Variants in GPR158 observed in about 807,000 individuals in gnomAD.
GPR158 encodes the protein metabotropic glycine receptor.
A neutral mutation model predicts 78.2 loss-of-function variants in GPR158; 30 were observed. The observed-to-expected ratio is 0.38, with a 90% CI of 0.29 to 0.52. GPR158 has a LOEUF of 0.52. GPR158 is among the 20% of genes least tolerant of loss of function. The pLI is 0.83. For synonymous variants in GPR158, 581 were observed against 591.1 expected (o/e 0.98, Z 0.25); for missense variants, 1,463 against 1,523.5 (o/e 0.96, Z 0.66).
chr10:25,194,670 A>C (rs571354005), intron 1 of GPR158, among the ~76,000 whole-genome samples: 1 of 152,206 alleles, frequency 6.6e-6, no homozygotes, highest in African/African-American at 2.4e-5. Context: ...AGTAGTCACA[A>C]TCGAAAACTG....
intron 5 of GPR158, among the ~76,000 whole-genome samples, chr10:25,528,072 G>A (rs930457062): frequency 2.0e-5 from 3 of 151,866 alleles, no homozygotes; most frequent in Non-Finnish European, 4.4e-5. Flanking sequence ...TATAGACAAA[G>A]ATATCTTTAG....
chr10:25,247,422 G>A (rs1329452064), intron 2 of GPR158, among the ~76,000 whole-genome samples: 5 of 138,666 alleles, frequency 3.6e-5, no homozygotes, highest in African/African-American at 5.5e-5. Flanking sequence ...CCACTAACTC[G>A]TCATCTAGCA....
At chr10:25,437,986 C>T (rs1231670171) in intron 4 of GPR158, among the ~76,000 whole-genome samples, 1 of 152,152 alleles carries the variant, frequency 6.6e-6, no homozygotes, top group Non-Finnish European at 1.5e-5. Context: ...AGCAGGGAAC[C>T]ATGTGTAACA....
At chr10:25,304,932 T>G (rs181771905) in intron 2 of GPR158, among the ~76,000 whole-genome samples, 6 of 152,342 alleles carry the variant, frequency 3.9e-5, no homozygotes, top group Non-Finnish European at 4.4e-5. Context: ...CTAACCTGTA[T>G]TTGAAGAGTA....
intron 7 of GPR158, among the ~76,000 whole-genome samples, chr10:25,576,970 C>CAAAA (rs765153642): frequency 0.011 from 1,253 of 113,610 alleles, 22 homozygotes; most frequent in South Asian, 0.052. Context: ...ACAGTGTTCT[C>CAAAA]AAAAAAAAAA....
At chr10:25,362,858 C>T (rs1232896015) in intron 2 of GPR158, among the ~76,000 whole-genome samples, 1 of 151,720 alleles carries the variant, frequency 6.6e-6, no homozygotes, top group Non-Finnish European at 1.5e-5. Context: ...ATTGACTTTC[C>T]TTGTCTCTAA....
At chr10:25,413,157 CA>C (rs5783930) in intron 4 of GPR158, among the ~76,000 whole-genome samples, 5 of 150,568 alleles carry the variant, frequency 3.3e-5, no homozygotes, top group Admixed American at 6.6e-5. Flanking sequence ...CCTGTCTCTA[CA>C]AAAAAAAACA....
chr10:25,304,604 TAG>T (rs1382272778), intron 2 of GPR158, among the ~76,000 whole-genome samples: 6 of 151,898 alleles, frequency 4.0e-5, no homozygotes, highest in African/African-American at 1.5e-4. Context: ...ACTCTATATA[TAG>T]AGAGAGATTT....
At chr10:25,556,257 T>G (rs913301225) in intron 6 of GPR158, among the ~76,000 whole-genome samples, 1 of 152,186 alleles carries the variant, frequency 6.6e-6, no homozygotes, top group African/African-American at 2.4e-5. Context: ...ATAAAAGTGT[T>G]CTTCCATTGA....
chr10:25,461,460 A>G (rs1835357983), intron 4 of GPR158, among the ~76,000 whole-genome samples: 1 of 152,214 alleles, frequency 6.6e-6, no homozygotes, highest in African/African-American at 2.4e-5. Context: ...GCAAGGGCCT[A>G]ACTCTCTTCA....
At position 25,598,727 on chromosome 10, in the gene GPR158, C is replaced by G; in HGVS notation, c.3101C>G (p.Ser1034Cys). Residue 1034 changes from serine (S) to cysteine (C), a missense_variant, in exon 11 of 11, where the codon TCT (serine) becomes TGT (cysteine). By Grantham distance (112) the Ser-to-Cys change is moderately radical (BLOSUM62 -1). Transcript: ENST00000376351. The part of the protein sequence containing the change: ...KVQKHVSIVA[S>C]EMEKNPTFSL... ...CAAAAGCACGTATCTATTGTGGCTT[C>G]TGAAATGGAGAAAAACCCCACTTTT... The G allele has an allele frequency of 6.2e-7, 1 of 1,614,034 alleles. No homozygotes were observed. The highest frequency in any genetic ancestry group is 8.5e-7 in the Non-Finnish European group (1 of 1,179,994).
At position 25,229,884 on chromosome 10, in the gene GPR158, C is replaced by T. The variant is rs182258349; in HGVS notation, c.1008+8727C>T. On this transcript the variant is annotated intron_variant, in intron 2 of 10. Coordinates refer to ENST00000376351, the MANE Select transcript of GPR158 (RefSeq NM_020752.3). ...AGTAATTGCTGTGAAAATCCAGCAT[C>T]CTTCTCAGTAGGAGAGGAATTGAAG... Among the ~76,000 whole-genome samples, 9 of 152,274 alleles carry T rather than the reference C, an allele frequency of 5.9e-5. No individual in the cohort carries two copies. In the East Asian group the frequency reaches 1.7e-3, roughly 29 times the overall value.
chr10:25,556,375 C>A (rs1235380678), intron 6 of GPR158, among the ~76,000 whole-genome samples: 2 of 152,168 alleles, frequency 1.3e-5, no homozygotes, highest in East Asian at 3.9e-4. Context: ...CCACCTCAGC[C>A]AAAATAATAC....
At chr10:25,558,228 CGTGA>C (rs1564489325) in intron 6 of GPR158, among the ~76,000 whole-genome samples, 1 of 152,198 alleles carries the variant, frequency 6.6e-6, no homozygotes, top group African/African-American at 2.4e-5. Context: ...TGCGTGCGCA[CGTGA>C]GTGTGTGTTC....
At chr10:25,557,419 A>G (rs1034092375) in intron 6 of GPR158, among the ~76,000 whole-genome samples, 5 of 152,196 alleles carry the variant, frequency 3.3e-5, no homozygotes, top group African/African-American at 1.2e-4. Flanking sequence ...TGGCTCCCCC[A>G]GAAACCATGA....
chr10:25,471,311 G>A (rs979046401), intron 5 of GPR158, among the ~76,000 whole-genome samples: 6 of 152,232 alleles, frequency 3.9e-5, no homozygotes, highest in Middle Eastern at 3.4e-3. Flanking sequence ...TGGCTGCATA[G>A]TATTCCATGG....
intron 5 of GPR158, among the ~76,000 whole-genome samples, chr10:25,501,796 C>G (rs919470576): frequency 6.6e-6 from 1 of 152,176 alleles, no homozygotes; most frequent in Non-Finnish European, 1.5e-5. Flanking sequence ...TGAGGGAAAT[C>G]ATAGTTTCCA....
intron 2 of GPR158, among the ~76,000 whole-genome samples, chr10:25,390,881 C>T (rs1221768778): frequency 6.6e-6 from 1 of 152,222 alleles, no homozygotes; most frequent in African/African-American, 2.4e-5. Flanking sequence ...CCTCCCATCA[C>T]AGGCCTGGAG....
Position 25,589,148 on chromosome 10 carries a change from A to G in GPR158, c.1892+3A>G. ...TCTGCTATATTCCATACAATTAGGC[A>G]AGTGATCTGTAGAGCTAGTAAATAA... On this transcript the variant is annotated splice_donor_region_variant and intron_variant, in intron 8 of 10. Transcript: ENST00000376351. 1 of 1,593,732 alleles carries G rather than the reference A, an allele frequency of 6.3e-7. No individual in the cohort carries two copies. The highest frequency in any genetic ancestry group is 8.6e-7 in the Non-Finnish European group (1 of 1,165,852).
Sources: allele counts gnomAD v4.1 joint callset (sites outside exome capture counted in the v4.1 genomes callset), GRCh38; gene constraint gnomAD v4.1.1; transcripts MANE v1.5; gene names NCBI Gene and HGNC (gene_info 2026-07-23, HGNC 2026-07-21).